The following PRELID2 variants were observed in gnomAD, a reference collection of about 807,000 sequenced individuals.
PRELID2 encodes PRELI domain containing 2.
In PRELID2, 25 loss-of-function variants were observed where a neutral mutation model predicts 28.4. The observed-to-expected ratio is 0.88, with a 90% CI of 0.64 to 1.23. The LOEUF (loss-of-function observed/expected upper bound fraction) is 1.23, where lower values mean the gene tolerates loss of function less well. Among genes scored for constraint, PRELID2 ranks in the 50% most tolerant of loss-of-function variants. The pLI, the probability that PRELID2 is intolerant of heterozygous loss-of-function variation, is 0.00. For synonymous variants in PRELID2, 76 were observed against 71.6 expected, an observed-to-expected ratio of 1.06 and a Z score of -0.31; for missense variants, 201 against 214.4, an observed-to-expected ratio of 0.94 and a Z score of 0.39.
chr5:145,438,095 A>G, the PRELID2 span, among the ~76,000 whole-genome samples: 1 of 152,102 alleles, frequency 6.6e-6, no homozygotes, highest in Non-Finnish European at 1.5e-5. Context: ...CAGCTTCTGC[A>G]ATAATTGGAC....
intron 1 of PRELID2, among the ~76,000 whole-genome samples, chr5:145,476,014 G>A (rs529872733): frequency 1.3e-5 from 2 of 152,282 alleles, no homozygotes; most frequent in Admixed American, 1.3e-4. Flanking sequence ...CTTATGGATT[G>A]TTTTCCTAAG....
At chr5:145,381,761 TACC>T in the PRELID2 span, 17 of 152,230 alleles carry the variant, frequency 1.1e-4, no homozygotes, top group African/African-American at 4.1e-4. Flanking sequence ...AAGATAAGAA[TACC>T]ACAAGTTCAA....
At chr5:145,823,331 T>C (rs1002218930) in intron 1 of PRELID2, among the ~76,000 whole-genome samples, 197 bp from the exon 2 acceptor site, 3 of 152,208 alleles carry the variant, frequency 2.0e-5, no homozygotes, top group Non-Finnish European at 2.9e-5. Flanking sequence ...TTGACTTACA[T>C]GAAATCTGGG....
At chr5:145,533,255 G>A (rs1455927803) in intron 1 of PRELID2, among the ~76,000 whole-genome samples, 1 of 151,998 alleles carries the variant, frequency 6.6e-6, no homozygotes, top group Admixed American at 6.6e-5. Context: ...CTAATGACTT[G>A]GGGAGATCTG....
the PRELID2 span, among the ~76,000 whole-genome samples, chr5:145,294,150 G>C: frequency 6.6e-6 from 1 of 152,034 alleles, no homozygotes; most frequent in Admixed American, 6.6e-5. Flanking sequence ...TGTTTTCTGG[G>C]CAACTAGTGA....
At chr5:145,389,074 T>C in the PRELID2 span, among the ~76,000 whole-genome samples, 34 of 152,276 alleles carry the variant, frequency 2.2e-4, no homozygotes, top group African/African-American at 7.5e-4. Context: ...CAAATGAATA[T>C]CCTGAATTAC....
At chr5:145,546,831 A>T (rs1407357353) in intron 1 of PRELID2, among the ~76,000 whole-genome samples, 2 of 152,190 alleles carry the variant, frequency 1.3e-5, no homozygotes, top group African/African-American at 2.4e-5. Flanking sequence ...ACCCATTCTC[A>T]TACTGGAGAG....
intron 1 of PRELID2, among the ~76,000 whole-genome samples, chr5:145,649,559 G>A (rs1016772261): frequency 6.6e-6 from 1 of 152,176 alleles, no homozygotes; most frequent in Non-Finnish European, 1.5e-5. Context: ...CTCGTCATAA[G>A]TCAAGGAGCA....
chr5:145,415,230 T>C, the PRELID2 span, among the ~76,000 whole-genome samples: 7 of 151,974 alleles, frequency 4.6e-5, no homozygotes, highest in Non-Finnish European at 7.4e-5. Flanking sequence ...TGAATGACTC[T>C]TTTTTTTGTT....
intron 5 of PRELID2, among the ~76,000 whole-genome samples, chr5:145,792,725 A>AG (rs1444025839): frequency 1.3e-5 from 2 of 152,134 alleles, no homozygotes; most frequent in Non-Finnish European, 2.9e-5. Context: ...TTTGAGGGAG[A>AG]GAAAAAAAAA....
At chr5:145,706,383 A>G (rs1755548267) in intron 1 of PRELID2, among the ~76,000 whole-genome samples, 1 of 152,234 alleles carries the variant, frequency 6.6e-6, no homozygotes, top group East Asian at 1.9e-4. Flanking sequence ...AGAAAGAAAC[A>G]AAAATTGATG....
chr5:145,274,364 C>T, the PRELID2 span, among the ~76,000 whole-genome samples: 1 of 152,074 alleles, frequency 6.6e-6, no homozygotes, highest in Non-Finnish European at 1.5e-5. Context: ...ACAGTCATTA[C>T]TGCTGATTAA....
the PRELID2 span, among the ~76,000 whole-genome samples, chr5:145,416,320 G>T: frequency 6.6e-6 from 1 of 152,000 alleles, no homozygotes; most frequent in Non-Finnish European, 1.5e-5. Flanking sequence ...AACCCTAGAA[G>T]AAAACCTAGG....
chr5:145,232,496 T>G, the PRELID2 span, among the ~76,000 whole-genome samples: 1 of 152,092 alleles, frequency 6.6e-6, no homozygotes, highest in Non-Finnish European at 1.5e-5. Context: ...GAGGAGCGAA[T>G]GGATGAAGAA....
chr5:145,656,573 T>TA (rs1323761625), intron 1 of PRELID2, among the ~76,000 whole-genome samples: 4 of 151,790 alleles, frequency 2.6e-5, no homozygotes, highest in Admixed American at 6.6e-5. Flanking sequence ...TATGCAGCCA[T>TA]AAAAAATCAT....
At chr5:145,704,983 C>T (rs1209456011) in intron 1 of PRELID2, among the ~76,000 whole-genome samples, 1 of 152,086 alleles carries the variant, frequency 6.6e-6, no homozygotes, top group East Asian at 1.9e-4. Context: ...CAGGGCAAAT[C>T]CCCTATTTTT....
At chr5:145,290,754 A>T in the PRELID2 span, among the ~76,000 whole-genome samples, 1 of 152,204 alleles carries the variant, frequency 6.6e-6, no homozygotes, top group African/African-American at 2.4e-5. Context: ...TATAAAAAAT[A>T]AAATAAAATG....
the PRELID2 span, among the ~76,000 whole-genome samples, chr5:145,456,876 G>A: frequency 6.6e-6 from 1 of 152,196 alleles, no homozygotes; most frequent in Non-Finnish European, 1.5e-5. Flanking sequence ...CAGCTGTGGT[G>A]AGAAAGCTGA....
At position 145,575,234 on chromosome 5, in the gene PRELID2, C is replaced by T. The variant is rs558034244; in HGVS notation, n.71-101919G>A. 2.0e-5 allele frequency among the ~76,000 whole-genome samples: 3 copies of T among 152,292 alleles called. No homozygotes were observed. In the South Asian group the frequency reaches 6.2e-4, roughly 32 times the overall value. On this transcript the variant is annotated intron_variant and non_coding_transcript_variant, in intron 1 of 2. Transcript: ENST00000510259. ...TTGAACCCCTACACTTTATTTACTA[C>T]CTGCTGATACTCAGGTCAATAAAGT...
Sources: allele counts gnomAD v4.1 joint callset (sites outside exome capture counted in the v4.1 genomes callset), GRCh38; gene constraint gnomAD v4.1.1; transcripts MANE v1.5; gene names NCBI Gene and HGNC (gene_info 2026-07-23, HGNC 2026-07-21).